Variants in RPN1 observed in about 807,000 individuals in gnomAD.
RPN1 encodes ribophorin I.
RPN1 carries 12 observed loss-of-function variants against 55.5 expected under a neutral mutation model. The ratio of observed to expected loss-of-function variants is 0.22; its 90% confidence interval spans 0.14 to 0.35. RPN1 has a LOEUF of 0.35. RPN1 is among the 10% of genes least tolerant of loss of function. The pLI is 1.00. For missense variants in RPN1, 679 were observed against 761.3 expected, an observed-to-expected ratio of 0.89 and a Z score of 1.27; for synonymous variants, 317 against 305.9, an observed-to-expected ratio of 1.04 and a Z score of -0.38.
chr3:128,620,368 A>G lies in RPN1; in HGVS notation c.*43T>C, dbSNP rs771054099. ...TACCACCCAATCTGCCTGCCACAGC[A>G]AAGTGCAGGCACCCTGGGCCCCCTG... On this transcript the variant is annotated 3_prime_UTR_variant, in exon 10 of 10. Coordinates refer to ENST00000296255, the MANE Select transcript of RPN1 (RefSeq NM_002950.4). 3 of 1,558,900 alleles carry G rather than the reference A, an allele frequency of 1.9e-6. No homozygotes were observed. Among genetic ancestry groups the G allele is most frequent in the South Asian group, 1.2e-5 (1 of 84,840 alleles).
chr3:128,622,071 G>A (rs2069563882), intron 9 of RPN1, 93 bp downstream of exon 9: 3 of 1,249,028 alleles, frequency 2.4e-6, no homozygotes, highest in Non-Finnish European at 3.4e-6. Flanking sequence ...AAGCATGCAG[G>A]TAAGCAAGAG....
At chr3:128,638,694 A>T (rs2069702063) in intron 2 of RPN1, among the ~76,000 whole-genome samples, 1 of 152,232 alleles carries the variant, frequency 6.6e-6, no homozygotes, top group African/African-American at 2.4e-5. Flanking sequence ...GGCTGGGTGC[A>T]GTGGCTCATG....
intron 2 of RPN1, among the ~76,000 whole-genome samples, chr3:128,639,574 T>G (rs2069709523): frequency 6.6e-6 from 1 of 152,152 alleles, no homozygotes; most frequent in South Asian, 2.1e-4. Flanking sequence ...CTTTTCCAAT[T>G]TCATTTTATT....
At chr3:128,622,055 T>TGG in intron 9 of RPN1, 109 bp downstream of exon 9, 2 of 1,103,914 alleles carry the variant, frequency 1.8e-6, no homozygotes, top group Non-Finnish European at 2.6e-6. Context: ...TGCAGTCTTA[T>TGG]CCCACAAGCA....
At position 128,650,733 on chromosome 3, in the gene RPN1, C is replaced by G; in HGVS notation, c.68G>C (p.Ser23Thr). Residue 23 changes from serine (S) to threonine (T), a missense_variant, in exon 1 of 10, where the codon AGC (serine) becomes ACC (threonine). This residue lies in a region of RPN1 where 352 missense variants were observed against 352.8 expected (regional missense o/e 1.00). Transcript: ENST00000296255. ...CAGCGGCGGTGCCTCGGAGGAGGCG[C>G]TGCCCGGCGCCGGGGCCCAAGTCCC... ...LLGTWAPAPG[S>T]ASSEAPPLIN... 1 of 1,554,388 alleles carries G rather than the reference C, an allele frequency of 6.4e-7. No individual in the cohort carries two copies. The highest frequency in any genetic ancestry group is 8.7e-7 in the Non-Finnish European group (1 of 1,149,152).
At chr3:128,631,082 C>T (rs1171900540) in intron 4 of RPN1, among the ~76,000 whole-genome samples, 4 of 143,928 alleles carry the variant, frequency 2.8e-5, no homozygotes, top group Non-Finnish European at 6.0e-5. Context: ...CACTACACTC[C>T]AGCCTGGGCA....
Position 128,650,664 on chromosome 3 carries a change from A to C in RPN1, c.137T>G (p.Leu46Arg), listed in dbSNP as rs1286721614. The C allele has an allele frequency of 2.6e-6, 4 of 1,568,238 alleles. No homozygotes were observed. In the South Asian group the frequency reaches 4.7e-5, roughly 18 times the overall value. The change falls in exon 1 of 10, where the codon CTG (leucine) becomes CGG (arginine). Residue 46 changes from leucine to arginine, a missense_variant. Around this residue, in one of 3 missense-constraint regions of RPN1, gnomAD observed 352 missense variants for 352.8 expected, o/e 1.00. Transcript: ENST00000296255. ...GACCACCTCGGCCGTCACCTTAGCC[A>C]GGTGGCTGCTTAGGTCCACTGTGCG... Reference protein sequence around the residue: ...VKRTVDLSSHLAKVTAEVVLA... With the variant: ...VKRTVDLSSHRAKVTAEVVLA...
At chr3:128,626,517 G>C (rs2069601170) in intron 6 of RPN1, among the ~76,000 whole-genome samples, 1 of 152,166 alleles carries the variant, frequency 6.6e-6, no homozygotes, top group African/African-American at 2.4e-5. Context: ...TTCCACTATG[G>C]AACATTCTCC....
intron 8 of RPN1, 139 bp from the exon 9 acceptor site, chr3:128,622,548 A>G (rs893579464): frequency 4.8e-5 from 50 of 1,043,338 alleles, no homozygotes; most frequent in African/African-American, 7.9e-5. Flanking sequence ...TCAAACCCCT[A>G]CTGATACCTA....
chr3:128,620,531 C>G lies in RPN1; in HGVS notation c.1704G>C (p.Glu568Asp). 1 of 1,614,186 alleles carries G rather than the reference C, an allele frequency of 6.2e-7. No individual in the cohort carries two copies. The highest frequency in any genetic ancestry group is 8.5e-7 in the Non-Finnish European group (1 of 1,180,004). ...VKELVLKSAV[E>D]AERLVAGKLK... is the part of the protein sequence containing the mutation. ...GCTTGCCAGCCACCAGGCGCTCAGCCTCCACCGCCGACTTCAGCACCAGCT... is the reference window on the plus strand; with the variant it reads ...GCTTGCCAGCCACCAGGCGCTCAGCGTCCACCGCCGACTTCAGCACCAGCT... Residue 568 changes from glutamate to aspartate, a missense_variant, in exon 10 of 10, where the codon GAG becomes GAC. By Grantham distance (45) the Glu-to-Asp change is conservative (BLOSUM62 2). Around this residue, in one of 3 missense-constraint regions of RPN1, gnomAD observed 306 missense variants for 360.0 expected, o/e 0.85. Coordinates refer to ENST00000296255, the MANE Select transcript of RPN1 (RefSeq NM_002950.4).
At chr3:128,649,532 G>A (rs1017235061) in intron 1 of RPN1, among the ~76,000 whole-genome samples, 3 of 152,168 alleles carry the variant, frequency 2.0e-5, no homozygotes, top group Non-Finnish European at 2.9e-5. Flanking sequence ...CATCTTTATA[G>A]CTCCATATTC....
At chr3:128,626,152 T>C in intron 6 of RPN1, 140 bp from the exon 7 acceptor site, 2 of 822,130 alleles carry the variant, frequency 2.4e-6, no homozygotes, top group Non-Finnish European at 3.7e-6. Flanking sequence ...TTCTCAGCTA[T>C]GGAGAACACC....
intron 1 of RPN1, among the ~76,000 whole-genome samples, chr3:128,647,726 T>A (rs1241697099): frequency 6.6e-6 from 1 of 151,570 alleles, no homozygotes; most frequent in African/African-American, 2.4e-5. Context: ...TTCTAGTATA[T>A]GTGTGTGTAT....
chr3:128,650,805 G>C lies in RPN1; in HGVS notation c.-5C>G, dbSNP rs1376115782. 16 of 1,517,938 alleles carry C rather than the reference G, an allele frequency of 1.1e-5. No individual in the cohort carries two copies. The highest frequency in any genetic ancestry group is 2.5e-5 in the East Asian group (1 of 40,336). The allele number at this position is 1,517,938 out of a possible 1,614,324, so 94.0% of individuals were successfully genotyped here. On this transcript the variant is annotated 5_prime_UTR_variant, in exon 1 of 10. Transcript: ENST00000296255. ...GCCGGCGGCTGGCGCCTCCATGACCGGGAAGAGCAGTGCGCCAGGGCGGGT... is the reference window on the plus strand; with the variant it reads ...GCCGGCGGCTGGCGCCTCCATGACCCGGAAGAGCAGTGCGCCAGGGCGGGT...
At chr3:128,635,261 A>T (rs181478560) in intron 3 of RPN1, among the ~76,000 whole-genome samples, 10 of 152,280 alleles carry the variant, frequency 6.6e-5, no homozygotes, top group African/African-American at 2.4e-4. Context: ...ATGGTTACCA[A>T]GGAGAACAAA....
chr3:128,635,744 A>C (rs1406878593), intron 3 of RPN1, among the ~76,000 whole-genome samples: 2 of 149,110 alleles, frequency 1.3e-5, no homozygotes, highest in African/African-American at 4.9e-5. Context: ...AAAATGGTAC[A>C]CCTGGCCTTA....
At chr3:128,642,967 A>C (rs543871764) in intron 2 of RPN1, among the ~76,000 whole-genome samples, 143 of 151,816 alleles carry the variant, frequency 9.4e-4, no homozygotes, top group African/African-American at 3.3e-3. Context: ...CAGTGAGCCG[A>C]GATCACGTGC....
chr3:128,640,728 T>C (rs2069718517), intron 2 of RPN1, among the ~76,000 whole-genome samples: 1 of 152,150 alleles, frequency 6.6e-6, no homozygotes, highest in East Asian at 1.9e-4. Context: ...CCCCAATACC[T>C]GGGCAATCCT....
chr3:128,637,856 C>G lies in RPN1; in HGVS notation c.576G>C (p.Thr192=), dbSNP rs111781915. 11 of 1,613,960 alleles carry G rather than the reference C, an allele frequency of 6.8e-6. No individual in the cohort carries two copies. The highest frequency in any genetic ancestry group is 9.3e-6 in the Non-Finnish European group (11 of 1,180,036). Residue 192 remains threonine, a synonymous_variant, in exon 3 of 10, where the codon ACG becomes ACC. Coordinates refer to ENST00000296255, the MANE Select transcript of RPN1 (RefSeq NM_002950.4). ...VESYTKLGNP[T]RSEDLLDYGP... Reference sequence around the variant, plus strand: ...CATAATCCAGTAGGTCCTCAGAGCGCGTGGGGTTCCCCAGCTTGGTGTAGC... The same window carrying G: ...CATAATCCAGTAGGTCCTCAGAGCGGGTGGGGTTCCCCAGCTTGGTGTAGC...
Sources: gnomAD v4.1 joint callset for allele counts (sites outside exome capture counted in the v4.1 genomes callset) on GRCh38, gnomAD v4.1.1 for gene constraint, gnomAD v4.1.1 regional missense constraint, MANE v1.5 for transcripts, NCBI Gene and HGNC (gene_info 2026-07-23, HGNC 2026-07-21) for gene names.